Variants in DPY19L3 observed in about 807,000 individuals in gnomAD.
DPY19L3 encodes dpy-19 like C-mannosyltransferase 3.
In DPY19L3, 51 loss-of-function variants were observed where a neutral mutation model predicts 92.3. The observed-to-expected ratio is 0.55, with a 90% CI of 0.44 to 0.70. DPY19L3 has a LOEUF of 0.70. Ranked by LOEUF, DPY19L3 falls within the 30% of genes least tolerant of loss-of-function variation. The pLI is 0.00. For synonymous variants in DPY19L3, 309 were observed against 315.2 expected (o/e 0.98, Z 0.21); for missense variants, 706 against 855.9 (o/e 0.82, Z 2.18).
At chr19:32,455,919 T>C (rs1599650143) in intron 10 of DPY19L3, among the ~76,000 whole-genome samples, 1 of 152,184 alleles carries the variant, frequency 6.6e-6, no homozygotes, top group African/African-American at 2.4e-5. Context: ...CATTGGTATC[T>C]TCAGATACTT....
intron 3 of DPY19L3, among the ~76,000 whole-genome samples, chr19:32,425,434 C>T (rs1968724945): frequency 1.3e-5 from 2 of 151,898 alleles, no homozygotes; most frequent in African/African-American, 4.8e-5. Flanking sequence ...ATCTGTAGTC[C>T]CAGCTACTAG....
Position 32,437,161 on chromosome 19 carries a change from C to T in DPY19L3, c.451-33C>T, listed in dbSNP as rs1229529230. The T allele has an allele frequency of 1.9e-6, 3 of 1,612,582 alleles. No individual in the cohort carries two copies. In the African/African-American group the frequency reaches 4.0e-5, roughly 22 times the overall value. On this transcript the variant is annotated intron_variant, in intron 5 of 18. Transcript: ENST00000392250. ...GGCACTGAGGAGGGTTAGGGCTCAC[C>T]TGACAAACATGTTTTATTGTTCCCT...
chr19:32,438,433 A>G (rs1036490267), intron 6 of DPY19L3, among the ~76,000 whole-genome samples: 2 of 152,192 alleles, frequency 1.3e-5, no homozygotes, highest in Non-Finnish European at 2.9e-5. Context: ...AGACATCTAT[A>G]TATATTTCTT....
rs551657385 is a variant in DPY19L3 at position 32,484,300 on chromosome 19, A to G, written c.*2060A>G. The G allele has an allele frequency of 2.6e-5, 4 of 152,722 alleles. No individual in the cohort carries two copies. The highest frequency in any genetic ancestry group is 4.1e-4 in the South Asian group (2 of 4,828). The allele number at this position is 152,722 out of a possible 1,614,324, so 9.5% of individuals were successfully genotyped here. On this transcript the variant is annotated 3_prime_UTR_variant, in exon 19 of 19. Transcript: ENST00000392250. ...TGATGACCAAATCTCTCAACGAATC[A>G]TGTTATTAATAAATATTTTTAGCAC...
chr19:32,453,387 C>A, intron 9 of DPY19L3, 111 bp downstream of exon 9: 4 of 1,106,698 alleles, frequency 3.6e-6, no homozygotes, highest in Non-Finnish European at 5.0e-6. Context: ...CTGATTTGCA[C>A]TAAAAAGAGC....
chr19:32,464,628 A>G (rs1970146152), intron 14 of DPY19L3, 100 bp from the exon 15 acceptor site: 11 of 685,106 alleles, frequency 1.6e-5, no homozygotes, highest in Non-Finnish European at 2.6e-5. Context: ...CTTGAGCCCA[A>G]GAATTCCAGG....
chr19:32,468,590 T>G (rs1176878670), intron 15 of DPY19L3, 141 bp from the exon 16 acceptor site: 1 of 1,356,050 alleles, frequency 7.4e-7, no homozygotes, highest in Non-Finnish European at 9.5e-7. Context: ...GCTGCAGAGG[T>G]GAAATAGTTG....
chr19:32,440,677 CTG>C (rs779076977), intron 8 of DPY19L3, among the ~76,000 whole-genome samples: 1 of 152,106 alleles, frequency 6.6e-6, no homozygotes, highest in Non-Finnish European at 1.5e-5. Flanking sequence ...TACTGAGACA[CTG>C]TAATAGAATG....
intron 12 of DPY19L3, among the ~76,000 whole-genome samples, chr19:32,461,110 C>A (rs1970027385): frequency 6.6e-6 from 1 of 152,228 alleles, no homozygotes; most frequent in Admixed American, 6.5e-5. Flanking sequence ...AAGTGATCTG[C>A]CTGCCTCAGC....
rs1654295314 is a variant in DPY19L3, at chr19:32,425,857, T to C, written c.238-6859T>C. Among the ~76,000 whole-genome samples the C allele has an allele frequency of 2.0e-5, 3 of 152,180 alleles. No individual in the cohort carries two copies. In the South Asian group the frequency reaches 6.2e-4, roughly 32 times the overall value. ...AAGGACCCTAGGATTTTCAGAATGGTAAGTGAACATTGGCTTCAACTTAAA... is the reference window on the plus strand; with the variant it reads ...AAGGACCCTAGGATTTTCAGAATGGCAAGTGAACATTGGCTTCAACTTAAA... On this transcript the variant is annotated intron_variant, in intron 3 of 18. Coordinates refer to ENST00000392250, the MANE Select transcript of DPY19L3 (RefSeq NM_001172774.2).
intron 16 of DPY19L3, among the ~76,000 whole-genome samples, 196 bp from the exon 17 acceptor site, chr19:32,477,326 G>A (rs1970541529): frequency 6.6e-6 from 1 of 151,736 alleles, no homozygotes; most frequent in Non-Finnish European, 1.5e-5. Context: ...TGAAAGTAAT[G>A]GCAAAAACCG....
intron 3 of DPY19L3, among the ~76,000 whole-genome samples, chr19:32,413,652 T>G (rs1468804779): frequency 1.4e-5 from 2 of 138,894 alleles, no homozygotes; most frequent in South Asian, 2.4e-4. Context: ...CAAAGAAGAA[T>G]AATACTTATC....
rs568272132 is a variant in DPY19L3 at position 32,416,451 on chromosome 19, C to T, written c.237+5079C>T. ...TCTACAAAAATGCCTTCGTTTCACACACCAGTGGCACGTTTGGGGCCCCCC... is the reference window on the plus strand; with the variant it reads ...TCTACAAAAATGCCTTCGTTTCACATACCAGTGGCACGTTTGGGGCCCCCC... On this transcript the variant is annotated intron_variant, in intron 3 of 18. Transcript: ENST00000392250. 7.4e-4 allele frequency among the ~76,000 whole-genome samples: 113 copies of T among 152,266 alleles called. 2 individuals are homozygous for T. The highest frequency in any genetic ancestry group is 5.4e-3 in the South Asian group (26 of 4,832).
chr19:32,417,597 G>A (rs1252409730), intron 3 of DPY19L3, among the ~76,000 whole-genome samples: 1 of 152,200 alleles, frequency 6.6e-6, no homozygotes, highest in Non-Finnish European at 1.5e-5. Flanking sequence ...GGAATTACAG[G>A]TGTGAGCTAC....
chr19:32,464,037 C>T lies in DPY19L3; in HGVS notation c.1557+57C>T, dbSNP rs1970125972. The T allele has an allele frequency of 3.3e-6, 4 of 1,206,976 alleles. No homozygotes were observed. The South Asian group carries it at 4.9e-5, about 15-fold the overall frequency. 74.8% of individuals were successfully genotyped at this position (1,206,976 alleles called of 1,614,324 possible). ...ATGACTTGCAGTATTTCTTTCATAC[C>T]ACTTCTTTTTTTGTTTTTCAGTAGC... On this transcript the variant is annotated intron_variant, in intron 14 of 18. Transcript: ENST00000392250.
chr19:32,466,957 A>G (rs1045365398), intron 15 of DPY19L3, among the ~76,000 whole-genome samples: 4 of 152,234 alleles, frequency 2.6e-5, no homozygotes, highest in Non-Finnish European at 5.9e-5. Flanking sequence ...GTGAATTCAT[A>G]TATTTCAAAG....
At chr19:32,479,722 A>G in intron 17 of DPY19L3, 1 of 336,702 alleles carries the variant, frequency 3.0e-6, no homozygotes, top group South Asian at 2.3e-5. Context: ...TGGGACGCTC[A>G]GTTTGCATCC....
chr19:32,450,935 C>T (rs35922177), intron 8 of DPY19L3, among the ~76,000 whole-genome samples: 83,883 of 152,048 alleles, frequency 0.55, 23,604 homozygotes, highest in East Asian at 0.63. Context: ...ACTCAGGGAT[C>T]TATCCCTAAG....
chr19:32,448,196 A>G (rs1197551411), intron 8 of DPY19L3, among the ~76,000 whole-genome samples: 1 of 152,222 alleles, frequency 6.6e-6, no homozygotes, highest in East Asian at 1.9e-4. Flanking sequence ...CAGACTCTAC[A>G]ACTAGGCTGC....
Sources: allele counts gnomAD v4.1 joint callset (sites outside exome capture counted in the v4.1 genomes callset), GRCh38; gene constraint gnomAD v4.1.1; transcripts MANE v1.5; gene names NCBI Gene and HGNC (gene_info 2026-07-23, HGNC 2026-07-21).